Variants in NDST4 observed in about 807,000 individuals in gnomAD.
The protein encoded by NDST4 is N-deacetylase and N-sulfotransferase 4.
Under a neutral mutation model 100.8 loss-of-function variants are expected in NDST4, and 63 were observed. The ratio of observed to expected loss-of-function variants is 0.62; its 90% confidence interval spans 0.51 to 0.77. NDST4 has a LOEUF of 0.77. Ranked by LOEUF, NDST4 falls within the 30% of genes least tolerant of loss-of-function variation. The pLI is 0.00. For synonymous variants in NDST4, 377 were observed against 361.8 expected (o/e 1.04, Z -0.48); for missense variants, 943 against 1,018.4 (o/e 0.93, Z 1.01).
At chr4:115,105,438 C>G (rs1475800902) in intron 1 of NDST4, among the ~76,000 whole-genome samples, 1 of 151,876 alleles carries the variant, frequency 6.6e-6, no homozygotes, top group Non-Finnish European at 1.5e-5. Flanking sequence ...TGAAAATTTG[C>G]TTTTTTACTC....
chr4:114,988,584 A>G (rs1019820157), intron 2 of NDST4, among the ~76,000 whole-genome samples: 2 of 151,498 alleles, frequency 1.3e-5, no homozygotes, highest in Non-Finnish European at 2.9e-5. Context: ...GATGGTCTCA[A>G]TCTCCTGACC....
chr4:114,990,731 T>G (rs1727018766), intron 2 of NDST4, among the ~76,000 whole-genome samples: 1 of 152,130 alleles, frequency 6.6e-6, no homozygotes, highest in Non-Finnish European at 1.5e-5. Context: ...ATACACTTTT[T>G]GGGACAATTT....
chr4:114,893,643 C>A (rs982765553), intron 6 of NDST4, among the ~76,000 whole-genome samples: 2 of 151,798 alleles, frequency 1.3e-5, no homozygotes, highest in African/African-American at 4.8e-5. Flanking sequence ...GATATTAGAC[C>A]TCTGTCATAT....
intron 2 of NDST4, among the ~76,000 whole-genome samples, chr4:115,023,186 G>A (rs116021126): frequency 0.019 from 2,882 of 152,098 alleles, 96 homozygotes; most frequent in African/African-American, 0.065. Flanking sequence ...AATCTCCACT[G>A]AAGAACGTAT....
intron 1 of NDST4, among the ~76,000 whole-genome samples, chr4:115,088,425 C>T (rs1729450104): frequency 6.6e-6 from 1 of 151,692 alleles, no homozygotes; most frequent in Admixed American, 6.6e-5. Context: ...CCATAAACAG[C>T]ATCTAAATGT....
intron 4 of NDST4, among the ~76,000 whole-genome samples, chr4:114,938,715 G>A (rs953426507): frequency 2.6e-5 from 4 of 152,162 alleles, no homozygotes. Flanking sequence ...CAATGCCTTA[G>A]TCATACGCTA....
chr4:114,970,545 C>A lies in NDST4; in HGVS notation c.1106G>T (p.Arg369Leu). Residue 369 changes from arginine to leucine, a missense_variant, in exon 4 of 14, where the codon CGG becomes CTG. Around this residue, in one of 2 missense-constraint regions of NDST4, gnomAD observed 526 missense variants for 634.1 expected, o/e 0.83. Transcript: ENST00000264363. ...EEDEGDDLLL[R>L]SVDEFWWFPH... is the part of the protein sequence containing the mutation. ...AAACCACCAGAACTCATCCACAGAC[C>A]GAAGTAAAAGGTCATCTCCTTCATC... is the stretch of plus-strand genomic sequence containing the variant. 6.2e-7 allele frequency: 1 copy of A among 1,613,794 alleles called. No individual in the cohort carries two copies. Among genetic ancestry groups the A allele is most frequent in the Non-Finnish European group, 8.5e-7 (1 of 1,179,772 alleles).
chr4:114,898,254 A>G (rs1724759035), intron 6 of NDST4, among the ~76,000 whole-genome samples: 1 of 152,066 alleles, frequency 6.6e-6, no homozygotes, highest in South Asian at 2.1e-4. Flanking sequence ...AGGTGTCTAG[A>G]TTTATTTATT....
intron 7 of NDST4, among the ~76,000 whole-genome samples, chr4:114,855,244 T>C (rs1285122102): frequency 3.9e-5 from 6 of 152,176 alleles, no homozygotes; most frequent in Non-Finnish European, 2.9e-5. Flanking sequence ...GTCTCTAAAC[T>C]TTATTGTTTC....
chr4:114,950,297 A>G (rs1460876776), intron 4 of NDST4, among the ~76,000 whole-genome samples: 1 of 152,020 alleles, frequency 6.6e-6, no homozygotes, highest in Admixed American at 6.6e-5. Flanking sequence ...TTAAGGCAGG[A>G]ATATTGGAAA....
chr4:114,888,288 C>A (rs533163505), intron 6 of NDST4, among the ~76,000 whole-genome samples: 1 of 151,796 alleles, frequency 6.6e-6, no homozygotes, highest in Non-Finnish European at 1.5e-5. Flanking sequence ...TTCAAGAACT[C>A]ATCTTAGAAT....
intron 1 of NDST4, among the ~76,000 whole-genome samples, chr4:115,092,306 T>A (rs1481871542): frequency 1.3e-5 from 2 of 152,150 alleles, no homozygotes; most frequent in African/African-American, 2.4e-5. Flanking sequence ...TATTTCAGAA[T>A]AGCTGCTTTC....
intron 2 of NDST4, among the ~76,000 whole-genome samples, chr4:115,074,754 C>A (rs1729145933): frequency 6.6e-6 from 1 of 151,922 alleles, no homozygotes; most frequent in Non-Finnish European, 1.5e-5. Context: ...AAAAAAATAC[C>A]CTGTTATTTT....
chr4:114,994,763 A>T (rs1019555634), intron 2 of NDST4, among the ~76,000 whole-genome samples: 1 of 152,028 alleles, frequency 6.6e-6, no homozygotes, highest in Non-Finnish European at 1.5e-5. Flanking sequence ...CTTGGAAAAA[A>T]TCTTATCCTC....
At position 114,833,626 on chromosome 4, in the gene NDST4, A is replaced by G. The variant is rs1723247875; in HGVS notation, c.2376T>C (p.Tyr792=). ...VQKFLGVTPR[Y]NYSEALTFDP... ...CTCACGTTAGTGCTTCAGAGTAATT[A>G]TAACGAGGTGTAACTCCCAGAAACT... The change falls in exon 12 of 14, where the codon TAT becomes TAC. Residue 792 remains tyrosine (Y), a synonymous_variant. Coordinates refer to ENST00000264363, the MANE Select transcript of NDST4 (RefSeq NM_022569.3). 6.2e-7 allele frequency: 1 copy of G among 1,610,646 alleles called. No homozygotes were observed. Among genetic ancestry groups the G allele is most frequent in the Non-Finnish European group, 8.5e-7 (1 of 1,177,238 alleles).
In NDST4 at chr4:115,023,793, G is replaced by A. The variant is rs566938152; in HGVS notation, c.979-46519C>T. Among the ~76,000 whole-genome samples, 4 of 152,260 alleles carry A rather than the reference G, an allele frequency of 2.6e-5. No individual in the cohort carries two copies. The South Asian group carries it at 8.3e-4, about 32-fold the overall frequency. ...ACACAAAGGGAGAATAGCACCAAAGGCATTACAGAGAACTTTGATGGTGCT... is the reference window on the plus strand; with the variant it reads ...ACACAAAGGGAGAATAGCACCAAAGACATTACAGAGAACTTTGATGGTGCT... On this transcript the variant is annotated intron_variant, in intron 2 of 13. Transcript: ENST00000264363.
chr4:114,974,137 T>C (rs564634260), intron 3 of NDST4, among the ~76,000 whole-genome samples: 1 of 152,166 alleles, frequency 6.6e-6, no homozygotes, highest in East Asian at 1.9e-4. Flanking sequence ...TATCCCCATT[T>C]GGTAGATATA....
chr4:115,017,202 G>A (rs112809781), intron 2 of NDST4, among the ~76,000 whole-genome samples: 2 of 151,898 alleles, frequency 1.3e-5, no homozygotes, highest in South Asian at 2.1e-4. Flanking sequence ...AGTATTATTA[G>A]GAAAGAACAC....
At chr4:115,054,976 T>C (rs1245683750) in intron 2 of NDST4, among the ~76,000 whole-genome samples, 1 of 152,088 alleles carries the variant, frequency 6.6e-6, no homozygotes, top group Non-Finnish European at 1.5e-5. Context: ...GGGTGAGCAG[T>C]GGGCCAGTAA....
Sources: allele counts gnomAD v4.1 joint callset (sites outside exome capture counted in the v4.1 genomes callset), GRCh38; gene constraint gnomAD v4.1.1; regional missense constraint gnomAD v4.1.1; transcripts MANE v1.5; gene names NCBI Gene and HGNC (gene_info 2026-07-23, HGNC 2026-07-21).